The following GRK7 variants were observed in gnomAD, a reference collection of about 807,000 sequenced individuals.
The protein encoded by GRK7 is rhodopsin kinase GRK7.
In GRK7, 24 loss-of-function variants were observed where a neutral mutation model predicts 34.1. That is an observed-to-expected ratio of 0.70 (90% confidence interval 0.51 to 0.99). GRK7 has a LOEUF of 0.99. Ranked by LOEUF, GRK7 falls within the 50% of genes least tolerant of loss-of-function variation. GRK7 has a pLI of 0.00. For synonymous variants in GRK7, 256 were observed against 279.4 expected (o/e 0.92, Z 0.84); for missense variants, 644 against 707.3 (o/e 0.91, Z 1.02).
chr3:141,778,135 A>G lies in GRK7; in HGVS notation c.-113-37A>G, dbSNP rs1216738911. The G allele has an allele frequency of 1.1e-6, 1 of 938,758 alleles. No individual in the cohort carries two copies. Among genetic ancestry groups the G allele is most frequent in the East Asian group, 2.6e-5 (1 of 38,380 alleles). The allele number at this position is 938,758 out of a possible 1,614,324, so 58.2% of individuals were successfully genotyped here. ...AGCCAGTCAAAGCTTCTTACAAGAG[A>G]AACCTCTTTCACACCCTCCACGGGT... is the stretch of plus-strand genomic sequence containing the variant. On this transcript the variant is annotated intron_variant, in intron 2 of 5. Coordinates refer to ENST00000682958, the MANE Select transcript of GRK7 (RefSeq NM_139209.3). This position sits in a 1 kb window ranked among gnomAD's most constrained non-coding sequence, Gnocchi z 4.1.
At position 141,780,394 on chromosome 3, in the gene GRK7, A is replaced by C; in HGVS notation, c.633A>C (p.Lys211Asn). Reference protein sequence around the residue: ...GFGEVCAVQVKNTGKMYACKK... With the variant: ...GFGEVCAVQVNNTGKMYACKK... ...TTAAGGTATGTGCCGTCCAGGTGAA[A>C]AACACTGGGAAGATGTATGCCTGTA... is the stretch of plus-strand genomic sequence containing the variant. The change falls in exon 4 of 6, where the codon AAA (lysine) becomes AAC (asparagine). Residue 211 changes from lysine to asparagine, a missense_variant. By Grantham distance (94) the Lys-to-Asn change is moderately conservative (BLOSUM62 0). Coordinates refer to ENST00000682958, the MANE Select transcript of GRK7 (RefSeq NM_139209.3). 6.2e-7 allele frequency: 1 copy of C among 1,614,084 alleles called. No homozygotes were observed. Among genetic ancestry groups the C allele is most frequent in the Non-Finnish European group, 8.5e-7 (1 of 1,180,000 alleles).
At chr3:141,811,602 C>A (rs1457859171) in intron 5 of GRK7, among the ~76,000 whole-genome samples, 1 of 152,140 alleles carries the variant, frequency 6.6e-6, no homozygotes, top group African/African-American at 2.4e-5. Context: ...AGAAAATCTT[C>A]CAACATTTTT....
chr3:141,752,283 A>AGCATTGGT, the GRK7 span, among the ~76,000 whole-genome samples: 6 of 152,224 alleles, frequency 3.9e-5, no homozygotes, highest in African/African-American at 1.2e-4. Context: ...ATAGATGTAT[A>AGCATTGGT]GCATTGGTTC....
rs2084571113 is a variant in GRK7, at chr3:141,764,593, A to C, written c.-1360A>C. Among the ~76,000 whole-genome samples the C allele has an allele frequency of 6.6e-6, 1 of 152,076 alleles. No homozygotes were observed. Among genetic ancestry groups the C allele is most frequent in the Admixed American group, 6.6e-5 (1 of 15,266 alleles). On this transcript the variant is annotated 5_prime_UTR_variant, in exon 1 of 6. Transcript: ENST00000682958. ...CCTCAAACTCTAGGGCTCAGTCCTT[A>C]GATTTCTCTGCCCTCACCCCAGAGT...
intron 1 of GRK7, among the ~76,000 whole-genome samples, chr3:141,771,152 T>C (rs1270309626): frequency 6.6e-6 from 1 of 152,170 alleles, no homozygotes; most frequent in Admixed American, 6.5e-5. Flanking sequence ...AGCAAAGATA[T>C]GGAATCAACC....
chr3:141,768,150 C>G (rs2084598628), intron 1 of GRK7, among the ~76,000 whole-genome samples: 1 of 152,108 alleles, frequency 6.6e-6, no homozygotes, highest in Non-Finnish European at 1.5e-5. Context: ...GGCCACCACA[C>G]ATAGACCCCT....
chr3:141,796,266 T>C (rs1285462006), intron 4 of GRK7, among the ~76,000 whole-genome samples: 1 of 152,174 alleles, frequency 6.6e-6, no homozygotes, highest in East Asian at 1.9e-4. Flanking sequence ...TACTCATGGG[T>C]TGGCCACAGC....
intron 4 of GRK7, among the ~76,000 whole-genome samples, chr3:141,790,955 A>G (rs1396651979): frequency 6.6e-6 from 1 of 152,240 alleles, no homozygotes; most frequent in East Asian, 1.9e-4. Context: ...TATCATTGTA[A>G]AAGATTCCAA....
intron 4 of GRK7, among the ~76,000 whole-genome samples, chr3:141,799,984 G>T (rs376522662): frequency 1.8e-4 from 28 of 152,056 alleles, no homozygotes; most frequent in African/African-American, 6.0e-4. Context: ...CTCATTGGAC[G>T]GGTGCCACAC....
intron 4 of GRK7, among the ~76,000 whole-genome samples, chr3:141,793,398 G>C (rs2084734838): frequency 6.6e-6 from 1 of 152,240 alleles, no homozygotes; most frequent in African/African-American, 2.4e-5. Flanking sequence ...CTGCAGAATG[G>C]ATTGCTGGCT....
At chr3:141,766,690 TC>T (rs1432156461) in intron 1 of GRK7, among the ~76,000 whole-genome samples, 1 of 152,264 alleles carries the variant, frequency 6.6e-6, no homozygotes, top group African/African-American at 2.4e-5. Context: ...TTCAAATAAT[TC>T]CCACATATTC....
chr3:141,801,260 A>G (rs58881152), intron 4 of GRK7, among the ~76,000 whole-genome samples: 10,923 of 148,316 alleles, frequency 0.074, 535 homozygotes, highest in African/African-American at 0.15. Flanking sequence ...GCAGTGAGCC[A>G]AGATTGCGCC....
intron 4 of GRK7, among the ~76,000 whole-genome samples, chr3:141,781,404 ACAGGCGC>A (rs2107879150): frequency 6.6e-6 from 1 of 151,886 alleles, no homozygotes; most frequent in Non-Finnish European, 1.5e-5. Context: ...AGGCATGGTG[ACAGGCGC>A]CTGTAATCCC....
chr3:141,804,985 C>T (rs371398852), intron 4 of GRK7, among the ~76,000 whole-genome samples: 5,576 of 151,196 alleles, frequency 0.037, 354 homozygotes, highest in African/African-American at 0.13. Context: ...CACACCCACT[C>T]GCACACACAC....
chr3:141,798,590 G>A (rs899176621), intron 4 of GRK7, among the ~76,000 whole-genome samples: 3 of 152,162 alleles, frequency 2.0e-5, no homozygotes, highest in South Asian at 2.1e-4. Context: ...GAGGCGCAGG[G>A]CCCTGTGTAA....
intron 4 of GRK7, 92 bp from the exon 5 acceptor site, chr3:141,807,553 A>C: frequency 2.8e-6 from 3 of 1,086,940 alleles, no homozygotes; most frequent in Admixed American, 2.2e-5. Context: ...GAAAAGGAGA[A>C]TGTGTATTAG....
intron 2 of GRK7, among the ~76,000 whole-genome samples, chr3:141,775,941 C>T (rs532912256): frequency 7.2e-5 from 11 of 152,108 alleles, no homozygotes; most frequent in South Asian, 6.2e-4. Context: ...TCATAGCATA[C>T]GTGTTTACCA....
chr3:141,794,537 G>T (rs1477158005), intron 4 of GRK7, among the ~76,000 whole-genome samples: 1 of 152,242 alleles, frequency 6.6e-6, no homozygotes, highest in Non-Finnish European at 1.5e-5. Context: ...CTGGCATTAT[G>T]GGCCATGTTA....
chr3:141,801,309 T>TAA (rs1710961948), intron 4 of GRK7, among the ~76,000 whole-genome samples: 1 of 33,146 alleles, frequency 3.0e-5, no homozygotes, highest in Non-Finnish European at 5.0e-5. Context: ...AGACTCCGTC[T>TAA]CAAAAAAAAA....
Sources: allele counts gnomAD v4.1 joint callset (sites outside exome capture counted in the v4.1 genomes callset), GRCh38; gene constraint gnomAD v4.1.1; non-coding constraint Gnocchi (gnomAD v3.1); transcripts MANE v1.5; gene names NCBI Gene and HGNC (gene_info 2026-07-23, HGNC 2026-07-21).